KAZN: variants seen among roughly 807,000 people sequenced by gnomAD.
KAZN encodes kazrin.
In KAZN, 40 loss-of-function variants were observed where a neutral mutation model predicts 87.4. The ratio of observed to expected loss-of-function variants is 0.46; its 90% CI spans 0.36 to 0.60. The LOEUF (loss-of-function observed/expected upper bound fraction) is 0.60. Ranked by LOEUF, KAZN falls within the 20% of genes least tolerant of loss-of-function variation. The pLI, the probability that KAZN is intolerant of heterozygous loss-of-function variation, is 0.00. For synonymous variants in KAZN, 466 were observed against 458.3 expected, an observed-to-expected ratio of 1.02 and a Z score of -0.22; for missense variants, 898 against 1,073.9, an observed-to-expected ratio of 0.84 and a Z score of 2.29.
At chr1:14,749,946 TG>T (rs1217101286) in intron 1 of KAZN, among the ~76,000 whole-genome samples, 1 of 152,126 alleles carries the variant, frequency 6.6e-6, no homozygotes, top group Admixed American at 6.5e-5. Context: ...ATCTTGTTTT[TG>T]GTTGGTGGTT....
At chr1:14,209,781 A>G (rs1458184954) in intron 2 of KAZN, among the ~76,000 whole-genome samples, 2 of 152,184 alleles carry the variant, frequency 1.3e-5, no homozygotes, top group Admixed American at 6.5e-5. Context: ...GCACCTGGCT[A>G]TGTATACCCA....
At chr1:14,420,883 T>TCCCTCCACACCTC (rs56088360) in intron 2 of KAZN, among the ~76,000 whole-genome samples, 16,090 of 146,872 alleles carry the variant, frequency 0.11, 1,194 homozygotes, top group Non-Finnish European at 0.16. Flanking sequence ...CCCGCACCTC[T>TCCCTCCACACCTC]CCCTCCACAC....
At chr1:14,732,974 A>T (rs1033949300) in intron 1 of KAZN, among the ~76,000 whole-genome samples, 5 of 152,018 alleles carry the variant, frequency 3.3e-5, no homozygotes, top group African/African-American at 1.2e-4. Flanking sequence ...TCCTTCCCCT[A>T]TGTTCACGGA....
At position 14,906,490 on chromosome 1, in the gene KAZN, G is replaced by A. The variant is rs147109108; in HGVS notation, c.227-54194G>A. Among the ~76,000 whole-genome samples the A allele has an allele frequency of 1.9e-4, 29 of 152,162 alleles. No individual in the cohort carries two copies. In the East Asian group the frequency reaches 5.6e-3, roughly 29 times the overall value. ...AGCCTGGGAATCGAGCTGAGGTGTGGCTGTGACTTGGGGACGCAGCCTCAT... is the reference window on the plus strand; with the variant it reads ...AGCCTGGGAATCGAGCTGAGGTGTGACTGTGACTTGGGGACGCAGCCTCAT... On this transcript the variant is annotated intron_variant, in intron 1 of 14. Coordinates refer to ENST00000376030, the MANE Select transcript of KAZN (RefSeq NM_201628.3).
intron 2 of KAZN, among the ~76,000 whole-genome samples, chr1:14,525,274 C>T (rs926149204): frequency 5.9e-5 from 9 of 151,754 alleles, no homozygotes; most frequent in African/African-American, 2.2e-4. Flanking sequence ...GCCAATTATG[C>T]AAACTGTGCT....
chr1:14,133,387 AAGAAAGAAAG>A (rs1422893670), intron 1 of KAZN, among the ~76,000 whole-genome samples: 7 of 32,316 alleles, frequency 2.2e-4, no homozygotes, highest in African/African-American at 5.3e-4. Context: ...AAAAGAAAGA[AAGAAAGAAAG>A]AAAGAAAGAA....
At chr1:14,317,932 G>A (rs1655773665) in intron 2 of KAZN, among the ~76,000 whole-genome samples, 1 of 151,754 alleles carries the variant, frequency 6.6e-6, no homozygotes, top group Non-Finnish European at 1.5e-5. Context: ...TTTATCTCTG[G>A]GTTATCACAG....
chr1:13,916,991 A>T (rs982803628), intron 1 of KAZN, among the ~76,000 whole-genome samples: 3 of 152,086 alleles, frequency 2.0e-5, no homozygotes, highest in African/African-American at 7.2e-5. Context: ...ACAAAGGAGG[A>T]ACTAGTCTTG....
intron 1 of KAZN, among the ~76,000 whole-genome samples, chr1:14,028,260 G>C (rs1355561703): frequency 6.6e-6 from 1 of 152,186 alleles, no homozygotes; most frequent in Admixed American, 6.6e-5. Flanking sequence ...AGGAAGTAGA[G>C]TTGATGGAAG....
At chr1:14,739,540 G>A (rs138782120) in intron 1 of KAZN, among the ~76,000 whole-genome samples, 70 of 152,176 alleles carry the variant, frequency 4.6e-4, no homozygotes, top group African/African-American at 1.7e-3. Context: ...CCCCTTGGCC[G>A]GGTGGGGAAA....
intron 1 of KAZN, among the ~76,000 whole-genome samples, chr1:13,958,295 G>A (rs1641619820): frequency 6.6e-6 from 1 of 152,158 alleles, no homozygotes; most frequent in African/African-American, 2.4e-5. Context: ...AATTGGCTGG[G>A]TGCGGTGGCT....
intron 1 of KAZN, among the ~76,000 whole-genome samples, chr1:14,815,363 A>T (rs1646531719): frequency 6.6e-6 from 1 of 152,140 alleles, no homozygotes; most frequent in Admixed American, 6.5e-5. Context: ...GAGTGCTGAG[A>T]AGGTTAAATA....
At chr1:14,896,518 T>C (rs544614068) in intron 1 of KAZN, among the ~76,000 whole-genome samples, 3 of 152,322 alleles carry the variant, frequency 2.0e-5, no homozygotes, top group African/African-American at 7.2e-5. Context: ...TTGGCTGGAA[T>C]TGGTTTCTGT....
chr1:14,125,425 G>C (rs899357909), intron 1 of KAZN, among the ~76,000 whole-genome samples: 1 of 152,152 alleles, frequency 6.6e-6, no homozygotes, highest in African/African-American at 2.4e-5. Context: ...TCATTAAAAA[G>C]GGTCTCAAGG....
At chr1:14,480,085 G>A (rs141567216) in intron 2 of KAZN, among the ~76,000 whole-genome samples, 52 of 152,348 alleles carry the variant, frequency 3.4e-4, no homozygotes, top group Non-Finnish European at 5.1e-4. Flanking sequence ...CAGTGCTGGG[G>A]AATCCCACAA....
intron 2 of KAZN, among the ~76,000 whole-genome samples, chr1:14,318,337 T>C (rs1224856719): frequency 6.6e-6 from 1 of 152,074 alleles, no homozygotes; most frequent in African/African-American, 2.4e-5. Context: ...GAATGCTATG[T>C]TAACTGTTTT....
Position 14,773,593 on chromosome 1 carries a change from T to C in KAZN, c.226+174370T>C, listed in dbSNP as rs1304287818. Reference sequence around the variant, plus strand: ...AGATGATGTTGACTTTCCAGAGCCATAGGGAGTTGGAAATGAGGTCAGGCA... The same window carrying C: ...AGATGATGTTGACTTTCCAGAGCCACAGGGAGTTGGAAATGAGGTCAGGCA... On this transcript the variant is annotated intron_variant, in intron 1 of 14. Coordinates refer to ENST00000376030, the MANE Select transcript of KAZN (RefSeq NM_201628.3). The surrounding 1 kb of genome is among the most constrained non-coding windows in gnomAD (Gnocchi z 5.9). Among the ~76,000 whole-genome samples, 3 of 152,114 alleles carry C rather than the reference T, an allele frequency of 2.0e-5. No individual in the cohort carries two copies. The highest frequency in any genetic ancestry group is 2.4e-5 in the African/African-American group (1 of 41,416).
intron 1 of KAZN, among the ~76,000 whole-genome samples, chr1:14,047,938 T>A (rs948282924): frequency 7.3e-5 from 11 of 151,638 alleles, no homozygotes; most frequent in Non-Finnish European, 1.6e-4. Flanking sequence ...TTTAAAACCA[T>A]CAAACTGGAA....
At chr1:14,423,899 A>G (rs975362882) in intron 2 of KAZN, among the ~76,000 whole-genome samples, 5 of 152,220 alleles carry the variant, frequency 3.3e-5, no homozygotes, top group Non-Finnish European at 7.3e-5. Flanking sequence ...AGCTTTGCCT[A>G]TAAAGGAAAA....
Sources: allele counts gnomAD v4.1 joint callset (sites outside exome capture counted in the v4.1 genomes callset), GRCh38; gene constraint gnomAD v4.1.1; non-coding constraint Gnocchi (gnomAD v3.1); transcripts MANE v1.5; gene names NCBI Gene and HGNC (gene_info 2026-07-23, HGNC 2026-07-21).